CCDC6: variants seen among roughly 807,000 people sequenced by gnomAD.
The protein encoded by CCDC6 is coiled-coil domain containing 6, also known as coiled-coil domain-containing protein 6.
In CCDC6, 20 loss-of-function variants were observed where a neutral mutation model predicts 56.6. The ratio of observed to expected loss-of-function variants is 0.35; its 90% CI spans 0.25 to 0.51. The LOEUF (loss-of-function observed/expected upper bound fraction) is 0.51, where lower values mean the gene tolerates loss of function less well. Among genes scored for constraint, CCDC6 ranks in the 20% least tolerant of loss-of-function variants. The pLI, the probability that CCDC6 is intolerant of heterozygous loss-of-function variation, is 0.95. For synonymous variants in CCDC6, 241 were observed against 234.4 expected (o/e 1.03, Z -0.26); for missense variants, 367 against 601.1 (o/e 0.61, Z 4.07).
intron 3 of CCDC6, among the ~76,000 whole-genome samples, chr10:59,818,665 T>C (rs748644864): frequency 3.3e-5 from 5 of 152,146 alleles, no homozygotes; most frequent in Non-Finnish European, 5.9e-5. Context: ...AGTGTGTGTA[T>C]GAGTGTGTCC....
chr10:59,827,069 C>A (rs2070793922), intron 3 of CCDC6, among the ~76,000 whole-genome samples: 1 of 152,062 alleles, frequency 6.6e-6, no homozygotes, highest in Admixed American at 6.6e-5. Context: ...GCACAGACAC[C>A]TAACTGACTG....
At chr10:59,883,978 G>A (rs930114690) in intron 1 of CCDC6, among the ~76,000 whole-genome samples, 5 of 152,152 alleles carry the variant, frequency 3.3e-5, no homozygotes, top group Admixed American at 1.3e-4. Flanking sequence ...TGTGACTTGA[G>A]AGAGTGACCC....
chr10:59,855,171 G>GATA (rs2071071545), intron 1 of CCDC6, among the ~76,000 whole-genome samples: 1 of 152,156 alleles, frequency 6.6e-6, no homozygotes, highest in Admixed American at 6.5e-5. Context: ...TCAACCTTAA[G>GATA]AGTTTATTTG....
At chr10:59,879,829 T>C (rs367734672) in intron 1 of CCDC6, among the ~76,000 whole-genome samples, 3 of 152,326 alleles carry the variant, frequency 2.0e-5, no homozygotes, top group African/African-American at 7.2e-5. Context: ...TGCTCTTTAA[T>C]GTGTTTTCCC....
chr10:59,794,411 A>T (rs2070495352), intron 8 of CCDC6, 62 bp downstream of exon 8: 1 of 1,569,474 alleles, frequency 6.4e-7, no homozygotes, highest in Non-Finnish European at 8.7e-7. Context: ...CCTGTTCTCC[A>T]GAACACCAGT....
chr10:59,799,848 C>T (rs1298815679), intron 7 of CCDC6, among the ~76,000 whole-genome samples: 38 of 152,112 alleles, frequency 2.5e-4, no homozygotes, highest in Non-Finnish European at 1.2e-4. Flanking sequence ...GATTCCTGAG[C>T]TGTTCAATGG....
At chr10:59,813,810 T>C (rs1166720139) in intron 4 of CCDC6, among the ~76,000 whole-genome samples, 9 of 152,248 alleles carry the variant, frequency 5.9e-5, no homozygotes, top group Admixed American at 5.2e-4. Flanking sequence ...GATATAGCTC[T>C]AATTTTCACT....
At chr10:59,865,883 T>C (rs547000616) in intron 1 of CCDC6, among the ~76,000 whole-genome samples, 10 of 132,036 alleles carry the variant, frequency 7.6e-5, no homozygotes, top group African/African-American at 3.2e-4. Flanking sequence ...AAGAATACCA[T>C]TCCAGATTAA....
rs1360725553 is a variant in CCDC6, at chr10:59,862,562, T to TAC, written c.304-9861_304-9860insGT. 7.9e-4 allele frequency among the ~76,000 whole-genome samples: 81 copies of TAC among 101,948 alleles called. 8 individuals carry two copies. The East Asian group carries it at 0.012, about 15-fold the overall frequency. 66.9% of individuals were successfully genotyped at this position (101,948 alleles called of 152,430 possible). A position where few individuals can be genotyped will look rare whatever the true frequency, so the allele number is the denominator to read the frequency against. On this transcript the variant is annotated intron_variant, in intron 1 of 8. Transcript: ENST00000263102. ...ACACACACACACACACACACATATA[T>TAC]ATACACATACACACACACACACATA...
At chr10:59,807,796 G>GT (rs2070639126) in intron 5 of CCDC6, among the ~76,000 whole-genome samples, 1 of 152,116 alleles carries the variant, frequency 6.6e-6, no homozygotes, top group Admixed American at 6.5e-5. Flanking sequence ...CTAGACACCA[G>GT]TTTGGCTGCC....
chr10:59,792,996 A>G lies in CCDC6; in HGVS notation c.1346T>C (p.Met449Thr), dbSNP rs1330402020. ...GGCTGCTGAGGGGACCGTGGGCTGC[A>G]TGGGTGGCGGAGGTGGAGGCGGAGG... ...QPPPPPPPPP[M>T]QPTVPSAATS... The change falls in exon 9 of 9, where the codon ATG (methionine) becomes ACG (threonine). Residue 449 changes from methionine (M) to threonine (T), a missense_variant. Transcript: ENST00000263102. 1.2e-6 allele frequency: 2 copies of G among 1,613,236 alleles called. No homozygotes were observed. The highest frequency in any genetic ancestry group is 1.1e-5 in the South Asian group (1 of 90,980).
chr10:59,863,942 T>C (rs2071156211), intron 1 of CCDC6, among the ~76,000 whole-genome samples: 1 of 152,194 alleles, frequency 6.6e-6, no homozygotes, highest in Admixed American at 6.5e-5. Context: ...ATCGTTCAAA[T>C]ATCATCTCTA....
intron 2 of CCDC6, among the ~76,000 whole-genome samples, chr10:59,852,054 G>A (rs1262214148): frequency 6.6e-6 from 1 of 152,082 alleles, no homozygotes; most frequent in Non-Finnish European, 1.5e-5. Flanking sequence ...TCTGATATTT[G>A]TTCAGTAACA....
intron 1 of CCDC6, among the ~76,000 whole-genome samples, chr10:59,857,568 A>G (rs1442148854): frequency 6.6e-6 from 1 of 152,236 alleles, no homozygotes. Context: ...CATAAGAAAG[A>G]GAACGGTTCT....
chr10:59,848,995 C>A (rs370055362), intron 2 of CCDC6, among the ~76,000 whole-genome samples: 1 of 152,218 alleles, frequency 6.6e-6, no homozygotes, highest in South Asian at 2.1e-4. Flanking sequence ...AGATTACAGG[C>A]GTGAGCCACC....
intron 3 of CCDC6, among the ~76,000 whole-genome samples, chr10:59,830,472 C>A (rs989151495): frequency 1.3e-5 from 2 of 152,100 alleles, no homozygotes; most frequent in African/African-American, 4.8e-5. Flanking sequence ...CCCAGTCACA[C>A]CCAAAGCAAA....
chr10:59,818,568 TG>T (rs1044858538), intron 3 of CCDC6, among the ~76,000 whole-genome samples: 2 of 150,152 alleles, frequency 1.3e-5, no homozygotes, highest in Non-Finnish European at 3.0e-5. Flanking sequence ...TATGTCTGTG[TG>T]GGTTTTCTCC....
At position 59,792,418 on chromosome 10, in the gene CCDC6, G is replaced by A; in HGVS notation, c.*499C>T. Reference sequence around the variant, plus strand: ...TGGGCACTGATTCATCTAACTTTCTGTTCTACACTGAAAGCCAGATTTTCA... The same window carrying A: ...TGGGCACTGATTCATCTAACTTTCTATTCTACACTGAAAGCCAGATTTTCA... On this transcript the variant is annotated 3_prime_UTR_variant, in exon 9 of 9. Coordinates refer to ENST00000263102, the MANE Select transcript of CCDC6 (RefSeq NM_005436.5). The A allele has an allele frequency of 2.3e-6, 1 of 425,608 alleles. No homozygotes were observed. Among genetic ancestry groups the A allele is most frequent in the Non-Finnish European group, 4.4e-6 (1 of 224,850 alleles). The allele number at this position is 425,608 out of a possible 1,614,324, so 26.4% of individuals were successfully genotyped here. A position where few individuals can be genotyped will look rare whatever the true frequency, so the allele number is the denominator to read the frequency against.
At chr10:59,797,584 C>T (rs1306911511) in intron 7 of CCDC6, among the ~76,000 whole-genome samples, 2 of 93,326 alleles carry the variant, frequency 2.1e-5, no homozygotes, top group Non-Finnish European at 3.9e-5. Flanking sequence ...ACTGAACCTC[C>T]TAGCAAAAAA....
Sources: allele counts gnomAD v4.1 joint callset (sites outside exome capture counted in the v4.1 genomes callset), GRCh38; gene constraint gnomAD v4.1.1; transcripts MANE v1.5; gene names NCBI Gene and HGNC (gene_info 2026-07-23, HGNC 2026-07-21).